Variants in ARHGAP40 observed in about 807,000 individuals in gnomAD.
ARHGAP40 encodes Rho GTPase activating protein 40.
In ARHGAP40, 43 loss-of-function variants were observed where a neutral mutation model predicts 73.5. The observed-to-expected ratio is 0.58, with a 90% CI of 0.46 to 0.75. ARHGAP40 has a LOEUF of 0.75. Among genes scored for constraint, ARHGAP40 ranks in the 30% least tolerant of loss-of-function variants. The pLI is 0.00. For missense variants in ARHGAP40, 734 were observed against 861.8 expected (o/e 0.85, Z 1.86); for synonymous variants, 300 against 352.8 (o/e 0.85, Z 1.68).
intron 2 of ARHGAP40, among the ~76,000 whole-genome samples, chr20:38,625,809 T>C (rs7354181): frequency 6.6e-6 from 1 of 152,362 alleles, no homozygotes; most frequent in Non-Finnish European, 1.5e-5. Context: ...GCAGGTGATG[T>C]TGGATGCTCC....
intron 5 of ARHGAP40, among the ~76,000 whole-genome samples, chr20:38,634,148 C>T (rs1434435982): frequency 1.5e-4 from 23 of 152,028 alleles, no homozygotes; most frequent in Admixed American, 7.2e-4. Context: ...GCCCAGGTGT[C>T]TGAGACCAGC....
chr20:38,609,311 G>T lies in ARHGAP40; in HGVS notation c.137+7232G>T, dbSNP rs2088791346. ...TGGAAGGCTTGTGCAAACACAGATT[G>T]CTGCACCCCACCCCCAGAGTTTCTA... On this transcript the variant is annotated intron_variant, in intron 1 of 14. Coordinates refer to ENST00000373345, the Ensembl canonical transcript of ARHGAP40. Among the ~76,000 whole-genome samples the T allele has an allele frequency of 2.6e-5, 4 of 152,260 alleles. No homozygotes were observed. The South Asian group carries it at 8.3e-4, about 32-fold the overall frequency.
intron 1 of ARHGAP40, among the ~76,000 whole-genome samples, chr20:38,610,640 A>G (rs2088798997): frequency 6.6e-6 from 1 of 152,222 alleles, no homozygotes; most frequent in South Asian, 2.1e-4. Flanking sequence ...GGGCTTACAG[A>G]TTATACGTGG....
chr20:38,629,833 G>T (rs529831731), intron 5 of ARHGAP40, among the ~76,000 whole-genome samples, 183 bp downstream of exon 5: 28 of 152,306 alleles, frequency 1.8e-4, no homozygotes, highest in Non-Finnish European at 3.7e-4. Flanking sequence ...TGGGGAGCAG[G>T]ATGCTTACAG....
rs760946404 is a variant in ARHGAP40, at chr20:38,646,991, C to T, written c.1745C>T (p.Pro582Leu). 1.2e-5 allele frequency: 16 copies of T among 1,305,346 alleles called. 1 individual carries two copies. The South Asian group carries it at 1.9e-4, about 15-fold the overall frequency. 80.9% of individuals were successfully genotyped at this position (1,305,346 alleles called of 1,614,324 possible). A position where few individuals can be genotyped will look rare whatever the true frequency, so the allele number is the denominator to read the frequency against. ...GTGGCAAAGATCCAGGTGGTCTGGCCTATCAAGGACCCCTTGAAGGTGCCT... is the reference window on the plus strand; with the variant it reads ...GTGGCAAAGATCCAGGTGGTCTGGCTTATCAAGGACCCCTTGAAGGTGCCT... Residue 582 changes from proline (P) to leucine (L), a missense_variant, in exon 13 of 15, where the codon CCT becomes CTT. Pro to Leu is a moderately conservative substitution (Grantham distance 98, BLOSUM62 -3). Coordinates refer to ENST00000373345, the Ensembl canonical transcript of ARHGAP40. The surrounding 1 kb of genome is among the most constrained non-coding windows in gnomAD (Gnocchi z 4.5).
chr20:38,636,264 AT>A (rs926884192), intron 6 of ARHGAP40, among the ~76,000 whole-genome samples: 3,294 of 145,052 alleles, frequency 0.023, 40 homozygotes, highest in Admixed American at 0.03. Context: ...TTATTTATTT[AT>A]TTTTTTTTTT....
chr20:38,637,483 G>A (rs1445950761), intron 6 of ARHGAP40, among the ~76,000 whole-genome samples: 2 of 151,996 alleles, frequency 1.3e-5, no homozygotes, highest in Non-Finnish European at 2.9e-5. Context: ...AAGATTTTCT[G>A]CTCTGAGACA....
At chr20:38,645,838 G>A (rs546930345) in intron 11 of ARHGAP40, among the ~76,000 whole-genome samples, 1 of 152,276 alleles carries the variant, frequency 6.6e-6, no homozygotes, top group South Asian at 2.1e-4. Flanking sequence ...CACTCTCAGG[G>A]TCCCCTACTC....
At chr20:38,641,625 C>A (rs2089018839) in intron 9 of ARHGAP40, 101 bp from the exon 10 acceptor site, 1 of 811,634 alleles carries the variant, frequency 1.2e-6, no homozygotes, top group Non-Finnish European at 1.7e-6. Context: ...TCCTGGCTGT[C>A]CCCTGGCTTT....
At chr20:38,620,782 G>A (rs1198686917) in intron 1 of ARHGAP40, among the ~76,000 whole-genome samples, 2 of 152,204 alleles carry the variant, frequency 1.3e-5, no homozygotes, top group African/African-American at 2.4e-5. Flanking sequence ...GGCTCTGGCC[G>A]ACTGGAGGTT....
chr20:38,630,113 C>G (rs1461124855), intron 5 of ARHGAP40, among the ~76,000 whole-genome samples: 1 of 121,604 alleles, frequency 8.2e-6, no homozygotes, highest in African/African-American at 3.2e-5. Context: ...TTTTTCTTTT[C>G]TTTCTCTTTC....
intron 10 of ARHGAP40, 149 bp downstream of exon 10, chr20:38,641,957 A>T: frequency 1.8e-6 from 1 of 549,198 alleles, no homozygotes; most frequent in Non-Finnish European, 2.7e-6. Flanking sequence ...CTCTCTTGAG[A>T]CTTTTTCTTA....
intron 1 of ARHGAP40, among the ~76,000 whole-genome samples, chr20:38,607,858 A>G (rs6015464): frequency 0.14 from 21,118 of 152,132 alleles, 1,703 homozygotes; most frequent in South Asian, 0.24. Flanking sequence ...ATCTTTTCAC[A>G]TAGGGCATTT....
In ARHGAP40 at chr20:38,628,310, T is replaced by TA. The variant is rs11481852; in HGVS notation, c.559-617_559-616insA. Among the ~76,000 whole-genome samples the TA allele has an allele frequency of 5.2e-5, 4 of 76,268 alleles. No homozygotes were observed. In the East Asian group the frequency reaches 7.8e-4, roughly 15 times the overall value. 50.0% of individuals were successfully genotyped at this position (76,268 alleles called of 152,430 possible). Reference sequence around the variant, plus strand: ...CTACCTCATTATCAGTACAAAATCCTTTTTTTTTTTTTGAGACTGAGCCTC... The same window carrying TA: ...CTACCTCATTATCAGTACAAAATCCTATTTTTTTTTTTTGAGACTGAGCCTC... On this transcript the variant is annotated intron_variant, in intron 3 of 14. Coordinates refer to ENST00000373345, the Ensembl canonical transcript of ARHGAP40.
At chr20:38,649,817 G>C (rs902360182) in exon 15 of ARHGAP40, 2 of 1,305,180 alleles carry the variant, frequency 1.5e-6, no homozygotes, top group African/African-American at 3.0e-5. Context: ...AACCCGCATG[G>C]TGAGTGGGTC....
chr20:38,649,367 G>T (rs974112500), intron 14 of ARHGAP40, among the ~76,000 whole-genome samples: 1 of 152,200 alleles, frequency 6.6e-6, no homozygotes, highest in Non-Finnish European at 1.5e-5. Context: ...TCAGGAAAAG[G>T]GTTCCAAGGG....
chr20:38,616,366 G>A (rs926048518), intron 1 of ARHGAP40, among the ~76,000 whole-genome samples: 1 of 152,238 alleles, frequency 6.6e-6, no homozygotes, highest in African/African-American at 2.4e-5. Context: ...CAAGAGATAC[G>A]TTCAAAAGAG....
At chr20:38,622,009 G>A (rs1052275803) in intron 1 of ARHGAP40, among the ~76,000 whole-genome samples, 6 of 152,084 alleles carry the variant, frequency 3.9e-5, no homozygotes, top group Admixed American at 6.5e-5. Context: ...GAGTCATATC[G>A]CACCACTGCA....
chr20:38,615,055 G>C (rs1456515865), intron 1 of ARHGAP40: 12 of 955,914 alleles, frequency 1.3e-5, no homozygotes, highest in Admixed American at 1.0e-4. Context: ...TGTGCCTCCT[G>C]TTGCCTCACA....
Sources: gnomAD v4.1 joint callset for allele counts (sites outside exome capture counted in the v4.1 genomes callset) on GRCh38, gnomAD v4.1.1 for gene constraint, Gnocchi (gnomAD v3.1) non-coding constraint, MANE v1.5 for transcripts, NCBI Gene and HGNC (gene_info 2026-07-23, HGNC 2026-07-21) for gene names.